EPHA3: variants seen among roughly 807,000 people sequenced by gnomAD.
EPHA3 encodes the protein ephrin type-A receptor 3.
Under a neutral mutation model 107.1 loss-of-function variants are expected in EPHA3, and 42 were observed. That is an observed-to-expected ratio of 0.39 (90% CI 0.31 to 0.51). The LOEUF is 0.51. EPHA3 is among the 20% of genes least tolerant of loss of function. The pLI is 0.78. For missense variants in EPHA3, 1,183 were observed against 1,211.2 expected, an observed-to-expected ratio of 0.98 and a Z score of 0.35; for synonymous variants, 461 against 424.8, an observed-to-expected ratio of 1.09 and a Z score of -1.05.
At chr3:89,442,394 C>A (rs1372812794) in intron 13 of EPHA3, among the ~76,000 whole-genome samples, 1 of 152,230 alleles carries the variant, frequency 6.6e-6, no homozygotes, top group South Asian at 2.1e-4. Context: ...ATGTGGATTA[C>A]TTTCCCTTGA....
chr3:89,318,045 C>T (rs1706949084), intron 3 of EPHA3, among the ~76,000 whole-genome samples: 1 of 151,774 alleles, frequency 6.6e-6, no homozygotes, highest in Non-Finnish European at 1.5e-5. Context: ...ATTTGACAGG[C>T]ATCAATAATA....
rs1329118935 is a variant in EPHA3, at chr3:89,342,100, T to C, written c.1306+10T>C. Reference sequence around the variant, plus strand: ...ACAACTAATCAGGCTGGTGAGTACATACTAGATGCTTCTTACTCTTATCAT... The same window carrying C: ...ACAACTAATCAGGCTGGTGAGTACACACTAGATGCTTCTTACTCTTATCAT... On this transcript the variant is annotated intron_variant, in intron 5 of 16. Transcript: ENST00000336596. 33 of 1,597,708 alleles carry C rather than the reference T, an allele frequency of 2.1e-5. No homozygotes were observed. The highest frequency in any genetic ancestry group is 2.8e-5 in the Non-Finnish European group (33 of 1,170,550).
chr3:89,284,287 A>ATACCT (rs1375040738), intron 3 of EPHA3, among the ~76,000 whole-genome samples: 2 of 152,178 alleles, frequency 1.3e-5, no homozygotes, highest in Non-Finnish European at 2.9e-5. Context: ...AGACTCAGGT[A>ATACCT]GAGTGACTGG....
intron 15 of EPHA3, among the ~76,000 whole-genome samples, chr3:89,467,438 A>G (rs771480402): frequency 6.6e-6 from 1 of 152,196 alleles, no homozygotes; most frequent in Non-Finnish European, 1.5e-5. Flanking sequence ...TTCATTCAAG[A>G]AATGTGTATT....
chr3:89,384,251 C>G (rs763293684), intron 5 of EPHA3, among the ~76,000 whole-genome samples: 4 of 151,974 alleles, frequency 2.6e-5, no homozygotes, highest in Non-Finnish European at 5.9e-5. Context: ...AGACAACAAG[C>G]AGAAGATATT....
chr3:89,131,793 CTT>C (rs1704212870), intron 2 of EPHA3, among the ~76,000 whole-genome samples: 2 of 152,178 alleles, frequency 1.3e-5, no homozygotes, highest in Non-Finnish European at 2.9e-5. Context: ...TTATTGATGT[CTT>C]AGCGGTGAAC....
intron 3 of EPHA3, among the ~76,000 whole-genome samples, chr3:89,306,218 G>T (rs1024197214): frequency 6.6e-6 from 1 of 152,152 alleles, no homozygotes; most frequent in Admixed American, 6.6e-5. Flanking sequence ...GGCACAAAGA[G>T]ATTAGGTAAT....
rs112270502 is a variant in EPHA3, at chr3:89,324,680, T to C, written c.815-16236T>C. 4.7e-3 allele frequency among the ~76,000 whole-genome samples: 711 copies of C among 152,236 alleles called. 5 individuals are homozygous for C. Among genetic ancestry groups the C allele is most frequent in the African/African-American group, 0.016 (679 of 41,546 alleles). Reference sequence around the variant, plus strand: ...TATCACTACACATAATTACCAACTTTTAGATGTCATCCTATTTTTTTATAA... The same window carrying C: ...TATCACTACACATAATTACCAACTTCTAGATGTCATCCTATTTTTTTATAA... On this transcript the variant is annotated intron_variant, in intron 3 of 16. Coordinates refer to ENST00000336596, the MANE Select transcript of EPHA3 (RefSeq NM_005233.6).
At chr3:89,346,461 G>A (rs1707657378) in intron 5 of EPHA3, among the ~76,000 whole-genome samples, 1 of 147,262 alleles carries the variant, frequency 6.8e-6, no homozygotes, top group Non-Finnish European at 1.5e-5. Flanking sequence ...TTTTTGATGG[G>A]GTTGTTTGTT....
chr3:89,397,562 T>C (rs989375891), intron 6 of EPHA3, among the ~76,000 whole-genome samples: 20 of 151,190 alleles, frequency 1.3e-4, no homozygotes, highest in Non-Finnish European at 2.5e-4. Flanking sequence ...CCTCAACAAA[T>C]GCAACAAGCA....
intron 3 of EPHA3, among the ~76,000 whole-genome samples, chr3:89,281,450 A>G (rs1349393060): frequency 6.6e-6 from 1 of 152,128 alleles, no homozygotes; most frequent in Non-Finnish European, 1.5e-5. Flanking sequence ...TTGAAATGGA[A>G]ACCTGCTCTA....
chr3:89,245,517 T>C (rs1413178256), intron 3 of EPHA3, among the ~76,000 whole-genome samples: 2 of 152,226 alleles, frequency 1.3e-5, no homozygotes, highest in African/African-American at 2.4e-5. Context: ...TAAGTTATTT[T>C]CAGCTTGATT....
At chr3:89,201,393 G>A (rs1705965686) in intron 2 of EPHA3, among the ~76,000 whole-genome samples, 1 of 152,058 alleles carries the variant, frequency 6.6e-6, no homozygotes, top group South Asian at 2.1e-4. Flanking sequence ...ATGAATGAAT[G>A]AATAAATGAA....
intron 2 of EPHA3, among the ~76,000 whole-genome samples, chr3:89,132,641 A>G (rs1353895712): frequency 1.3e-5 from 2 of 152,206 alleles, no homozygotes; most frequent in Non-Finnish European, 2.9e-5. Context: ...AGACCAAGGC[A>G]GGAGAATCAC....
chr3:89,286,327 T>G (rs1460419479), intron 3 of EPHA3, among the ~76,000 whole-genome samples: 3 of 151,912 alleles, frequency 2.0e-5, no homozygotes, highest in African/African-American at 7.3e-5. Context: ...GTGAGACTTC[T>G]GATAATGTTC....
intron 9 of EPHA3, among the ~76,000 whole-genome samples, chr3:89,410,868 G>A (rs1266713179): frequency 6.6e-6 from 1 of 151,788 alleles, no homozygotes; most frequent in Non-Finnish European, 1.5e-5. Flanking sequence ...AATGTTAGAA[G>A]TTATTTTAAT....
At chr3:89,427,171 A>G (rs1462345738) in intron 11 of EPHA3, among the ~76,000 whole-genome samples, 1 of 151,930 alleles carries the variant, frequency 6.6e-6, no homozygotes, top group Non-Finnish European at 1.5e-5. Context: ...AGATCAATGT[A>G]TCAAGTGGTT....
At chr3:89,139,606 T>A (rs1401276472) in intron 2 of EPHA3, among the ~76,000 whole-genome samples, 1 of 151,788 alleles carries the variant, frequency 6.6e-6, no homozygotes, top group African/African-American at 2.4e-5. Flanking sequence ...TTACTTTATT[T>A]AGAGCAGTAA....
chr3:89,448,670 A>G (rs537876748), intron 13 of EPHA3, among the ~76,000 whole-genome samples: 143 of 152,306 alleles, frequency 9.4e-4, no homozygotes, highest in Non-Finnish European at 1.7e-3. Context: ...CACACAGTAA[A>G]TTAATCAAGA....
Sources: allele counts gnomAD v4.1 joint callset (sites outside exome capture counted in the v4.1 genomes callset), GRCh38; gene constraint gnomAD v4.1.1; transcripts MANE v1.5; gene names NCBI Gene and HGNC (gene_info 2026-07-23, HGNC 2026-07-21).